Variants in EXD2 observed in about 807,000 individuals in gnomAD.
EXD2 encodes the protein exonuclease 3'-5' domain containing 2.
EXD2 carries 40 observed loss-of-function variants against 62.5 expected under a neutral mutation model. That is an observed-to-expected ratio of 0.64 (90% CI 0.50 to 0.83). The LOEUF is 0.83. Ranked by LOEUF, EXD2 falls within the 40% of genes least tolerant of loss-of-function variation. The probability of loss-of-function intolerance (pLI) is 0.00; values close to 1 mark genes in which losing one functional copy is unlikely to be tolerated. For synonymous variants in EXD2, 239 were observed against 291.9 expected (o/e 0.82, Z 1.85); for missense variants, 671 against 761.8 (o/e 0.88, Z 1.40).
At chr14:69,224,654 G>T (rs2043298397) in intron 3 of EXD2, among the ~76,000 whole-genome samples, 1 of 152,060 alleles carries the variant, frequency 6.6e-6, no homozygotes, top group Non-Finnish European at 1.5e-5. Context: ...GATTGTGTCA[G>T]TCCTCTGCCC....
intron 3 of EXD2, among the ~76,000 whole-genome samples, chr14:69,213,462 C>T (rs934376988): frequency 6.1e-5 from 9 of 148,710 alleles, no homozygotes; most frequent in African/African-American, 1.7e-4. Flanking sequence ...CCTCAAACTC[C>T]TGGGCTCAAG....
chr14:69,201,044 A>G (rs557006812), intron 1 of EXD2, among the ~76,000 whole-genome samples: 280 of 151,998 alleles, frequency 1.8e-3, no homozygotes, highest in Middle Eastern at 3.4e-3. Context: ...ATTGCACTCC[A>G]GCCGGAGTGA....
intron 1 of EXD2, among the ~76,000 whole-genome samples, chr14:69,194,931 G>A (rs960791306): frequency 2.6e-5 from 4 of 152,074 alleles, no homozygotes; most frequent in African/African-American, 7.2e-5. Context: ...TCTTTTAAGA[G>A]ATGGGAGCCG....
chr14:69,211,163 G>T (rs541556527), intron 3 of EXD2, among the ~76,000 whole-genome samples: 17 of 152,174 alleles, frequency 1.1e-4, no homozygotes, highest in African/African-American at 4.1e-4. Context: ...TTCAAAATTG[G>T]AGTCAGTCCT....
At chr14:69,225,467 TG>T (rs1221327162) in intron 3 of EXD2, among the ~76,000 whole-genome samples, 1 of 152,216 alleles carries the variant, frequency 6.6e-6, no homozygotes, top group Non-Finnish European at 1.5e-5. Context: ...GTATCTGTAA[TG>T]ATTGTTGTTA....
intron 3 of EXD2, among the ~76,000 whole-genome samples, chr14:69,216,957 A>G (rs2043005817): frequency 6.6e-6 from 1 of 152,004 alleles, no homozygotes. Flanking sequence ...TGTAACTGTA[A>G]TTATATATTC....
chr14:69,215,276 C>T (rs531960253), intron 3 of EXD2, among the ~76,000 whole-genome samples: 13 of 149,290 alleles, frequency 8.7e-5, no homozygotes, highest in African/African-American at 3.3e-4. Context: ...GGTGACACAG[C>T]GAGACTCCAT....
intron 1 of EXD2, among the ~76,000 whole-genome samples, chr14:69,202,534 G>A (rs1286898011): frequency 2.0e-5 from 3 of 152,026 alleles, no homozygotes; most frequent in Non-Finnish European, 4.4e-5. Flanking sequence ...TTTTTCGAAG[G>A]CAGATTGTGC....
Position 69,229,010 on chromosome 14 carries a change from G to T in EXD2, c.528G>T (p.Leu176=). Residue 176 remains leucine, a synonymous_variant, in exon 4 of 10, where the codon CTG becomes CTT. Coordinates refer to ENST00000685843, the MANE Select transcript of EXD2 (RefSeq NM_001193360.2). ...GCTCAGAAGATGCCAGCAAGCTTCT[G>T]CAGGATTATGGCCTCGTTGTTAGGG... is the stretch of plus-strand genomic sequence containing the variant. ...VGCSEDASKL[L]QDYGLVVRGC... is the part of the protein sequence containing the mutation. The T allele has an allele frequency of 1.2e-6, 2 of 1,614,230 alleles. No individual in the cohort carries two copies. Among genetic ancestry groups the T allele is most frequent in the South Asian group, 2.2e-5 (2 of 91,090 alleles).
intron 1 of EXD2, among the ~76,000 whole-genome samples, chr14:69,202,231 G>T (rs2042431977): frequency 6.6e-6 from 1 of 152,064 alleles, no homozygotes. Context: ...ATATTAGTTG[G>T]GGTGCTGTCA....
intron 7 of EXD2, 54 bp downstream of exon 7, chr14:69,236,206 C>T: frequency 1.9e-6 from 3 of 1,541,096 alleles, no homozygotes; most frequent in Non-Finnish European, 2.7e-6. Context: ...TGGATGCTGG[C>T]AGGAGTGGGG....
At chr14:69,220,958 C>T (rs2043165849) in intron 3 of EXD2, among the ~76,000 whole-genome samples, 1 of 152,076 alleles carries the variant, frequency 6.6e-6, no homozygotes, top group Non-Finnish European at 1.5e-5. Context: ...CCTCAAATTC[C>T]TGGGCTCAAG....
chr14:69,201,934 G>A (rs1243306728), intron 1 of EXD2, among the ~76,000 whole-genome samples: 1 of 151,806 alleles, frequency 6.6e-6, no homozygotes, highest in African/African-American at 2.4e-5. Flanking sequence ...CACCTGCCTC[G>A]GCCTCCCAAA....
Position 69,209,721 on chromosome 14 carries a change from A to G in EXD2, c.251A>G (p.Gln84Arg), listed in dbSNP as rs1014072150. The G allele has an allele frequency of 1.3e-5, 20 of 1,550,152 alleles. No individual in the cohort carries two copies. The highest frequency in any genetic ancestry group is 2.4e-5 in the East Asian group (1 of 40,888). Residue 84 changes from glutamine to arginine, a missense_variant, in exon 3 of 10, where the codon CAG becomes CGG. Coordinates refer to ENST00000685843, the MANE Select transcript of EXD2 (RefSeq NM_001193360.2). ...AAAGCAAAGGTGGTGACGGTGTCTC[A>G]GGAGGCAGAGTGGGATCAAATCGAG... ...ILKAKVVTVS[Q>R]EAEWDQIEPL...
At chr14:69,230,785 C>T (rs1416575843) in intron 5 of EXD2, among the ~76,000 whole-genome samples, 187 bp downstream of exon 5, 1 of 152,058 alleles carries the variant, frequency 6.6e-6, no homozygotes, top group East Asian at 1.9e-4. Context: ...AAGAGTCCTG[C>T]TTTTGTTTTA....
In EXD2 at chr14:69,236,037, T is replaced by A; in HGVS notation, c.1050-9T>A. 2.5e-6 allele frequency: 4 copies of A among 1,608,958 alleles called. No individual in the cohort carries two copies. The highest frequency in any genetic ancestry group is 3.4e-6 in the Non-Finnish European group (4 of 1,175,284). The stretch of plus-strand genomic sequence containing the variant: ...TCCGGTTTGAGATTTCTCTTTCCTT[T>A]CCCTGCAGAAAATCACCTCTTTATG... On this transcript the variant is annotated splice_polypyrimidine_tract_variant and intron_variant, in intron 6 of 9. Transcript: ENST00000685843.
At position 69,209,729 on chromosome 14, in the gene EXD2, G is replaced by A; in HGVS notation, c.259G>A (p.Glu87Lys). 6.5e-7 allele frequency: 1 copy of A among 1,549,682 alleles called. No individual in the cohort carries two copies. Among genetic ancestry groups the A allele is most frequent in the East Asian group, 2.4e-5 (1 of 40,874 alleles). ...GGTGGTGACGGTGTCTCAGGAGGCA[G>A]AGTGGGATCAAATCGAGCCCTTGCT... ...AKVVTVSQEA[E>K]WDQIEPLLRS... Residue 87 changes from glutamate to lysine, a missense_variant, in exon 3 of 10, where the codon GAG becomes AAG. Transcript: ENST00000685843.
chr14:69,227,218 A>C (rs1423198798), intron 3 of EXD2, among the ~76,000 whole-genome samples: 4 of 152,212 alleles, frequency 2.6e-5, no homozygotes, highest in Non-Finnish European at 4.4e-5. Context: ...ACTTGTGACA[A>C]CCAAAAATTT....
At chr14:69,233,973 G>A (rs2043681758) in intron 5 of EXD2, among the ~76,000 whole-genome samples, 1 of 151,954 alleles carries the variant, frequency 6.6e-6, no homozygotes, top group Non-Finnish European at 1.5e-5. Flanking sequence ...CACCATGTTG[G>A]CCAGGCTGGT....
Sources: allele counts gnomAD v4.1 joint callset (sites outside exome capture counted in the v4.1 genomes callset), GRCh38; gene constraint gnomAD v4.1.1; transcripts MANE v1.5; gene names NCBI Gene and HGNC (gene_info 2026-07-23, HGNC 2026-07-21).